RBFOX1: variants seen among roughly 807,000 people sequenced by gnomAD.
The protein encoded by RBFOX1 is RNA binding fox-1 homolog 1.
A neutral mutation model predicts 57.7 loss-of-function variants in RBFOX1; 8 were observed. The observed-to-expected ratio is 0.14, with a 90% CI of 0.08 to 0.25. RBFOX1 has a LOEUF of 0.25. Ranked by LOEUF, RBFOX1 falls within the 10% of genes least tolerant of loss-of-function variation. The pLI, the probability that RBFOX1 is intolerant of heterozygous loss-of-function variation, is 1.00. For missense variants in RBFOX1, 611 were observed against 548.5 expected (o/e 1.11, Z -1.14); for synonymous variants, 326 against 222.4 (o/e 1.47, Z -4.15).
intron 3 of RBFOX1, among the ~76,000 whole-genome samples, chr16:5,761,559 A>C (rs984567709): frequency 6.6e-6 from 1 of 152,184 alleles, no homozygotes; most frequent in Non-Finnish European, 1.5e-5. Context: ...GGCAGCAGGT[A>C]GGAGAGCTTG....
chr16:5,537,143 G>A (rs1028040026), intron 2 of RBFOX1, among the ~76,000 whole-genome samples: 1 of 152,128 alleles, frequency 6.6e-6, no homozygotes, highest in Non-Finnish European at 1.5e-5. Context: ...GGGCAGTTTA[G>A]GCTTTTCTAT....
intron 2 of RBFOX1, among the ~76,000 whole-genome samples, chr16:6,424,275 A>C (rs2093859352): frequency 6.6e-6 from 1 of 152,116 alleles, no homozygotes; most frequent in Non-Finnish European, 1.5e-5. Flanking sequence ...AAACAACAAC[A>C]ACAACAGAAG....
chr16:6,381,148 A>T (rs552511099), intron 2 of RBFOX1, among the ~76,000 whole-genome samples: 1 of 152,166 alleles, frequency 6.6e-6, no homozygotes, highest in Non-Finnish European at 1.5e-5. Flanking sequence ...GAGAAGAAGG[A>T]ATAGATCCTA....
intron 1 of RBFOX1, among the ~76,000 whole-genome samples, chr16:5,455,568 T>G (rs764189170): frequency 5.3e-5 from 8 of 152,204 alleles, no homozygotes; most frequent in Non-Finnish European, 1.0e-4. Flanking sequence ...CCACATACAT[T>G]TTCAGTATGC....
intron 2 of RBFOX1, among the ~76,000 whole-genome samples, chr16:6,479,575 G>A (rs761196162): frequency 9.2e-5 from 14 of 151,666 alleles, no homozygotes; most frequent in African/African-American, 2.7e-4. Context: ...GTGATAGAAC[G>A]AGATGCTGTC....
intron 4 of RBFOX1, among the ~76,000 whole-genome samples, chr16:7,154,727 G>C (rs2076758623): frequency 8.7e-6 from 1 of 115,090 alleles, no homozygotes; most frequent in South Asian, 3.0e-4. Context: ...GTGTGTGTGT[G>C]TGTGTGAATA....
At chr16:7,269,099 C>T (rs1416117967) in intron 4 of RBFOX1, among the ~76,000 whole-genome samples, 1 of 146,006 alleles carries the variant, frequency 6.8e-6, no homozygotes, top group Non-Finnish European at 1.5e-5. Flanking sequence ...CATTAACCCT[C>T]ACAGCCCATA....
rs146782909 is a variant in RBFOX1, at chr16:6,848,115, G to C, written c.-16+193465G>C. 3.2e-3 allele frequency among the ~76,000 whole-genome samples: 494 copies of C among 152,128 alleles called. 5 individuals are homozygous for C. Among genetic ancestry groups the C allele is most frequent in the African/African-American group, 0.012 (478 of 41,514 alleles). On this transcript the variant is annotated intron_variant, in intron 3 of 15. Coordinates refer to ENST00000550418, the MANE Select transcript of RBFOX1 (RefSeq NM_018723.4). ...ACAAAGTGCTGGGATTTGCAGGTGT[G>C]AGTCATTGTGCCCGATCCAAGACTG...
chr16:5,550,756 A>G, intron 2 of RBFOX1, among the ~76,000 whole-genome samples: 1 of 152,214 alleles, frequency 6.6e-6, no homozygotes, highest in Non-Finnish European at 1.5e-5. Context: ...GAATACGGAC[A>G]TGAGAATAAA....
At chr16:7,078,182 CAGA>C (rs1256058744) in intron 4 of RBFOX1, among the ~76,000 whole-genome samples, 1 of 152,128 alleles carries the variant, frequency 6.6e-6, no homozygotes, top group African/African-American at 2.4e-5. Flanking sequence ...CGTTTTCCTG[CAGA>C]AGAAGGAGAA....
intron 14 of RBFOX1, among the ~76,000 whole-genome samples, chr16:7,705,373 C>G (rs933977411): frequency 6.6e-6 from 1 of 151,914 alleles, no homozygotes; most frequent in African/African-American, 2.4e-5. Context: ...GGTGTGGTGG[C>G]AGGTACCTGT....
intron 1 of RBFOX1, among the ~76,000 whole-genome samples, chr16:6,255,676 T>C (rs28377929): frequency 0.025 from 3,864 of 151,858 alleles, 109 homozygotes; most frequent in African/African-American, 0.07. Flanking sequence ...ATAAAGAAAA[T>C]ATGACATATA....
At position 7,616,329 on chromosome 16, in the gene RBFOX1, G is replaced by A. The variant is rs1253866849; in HGVS notation, c.676+8991G>A. On this transcript the variant is annotated intron_variant, in intron 10 of 15. Coordinates refer to ENST00000550418, the MANE Select transcript of RBFOX1 (RefSeq NM_018723.4). The stretch of plus-strand genomic sequence containing the variant: ...GATGTGCTTAATTTTTCCAGAAATG[G>A]CATGTGACAGCACAGGCATAGTGTT... Among the ~76,000 whole-genome samples, 5 of 152,202 alleles carry A rather than the reference G, an allele frequency of 3.3e-5. No homozygotes were observed. In the South Asian group the frequency reaches 1.0e-3, roughly 32 times the overall value.
rs116553891 is a variant in RBFOX1 at position 7,419,054 on chromosome 16, G to T, written c.28-99093G>T. Among the ~76,000 whole-genome samples the T allele has an allele frequency of 5.9e-5, 9 of 152,058 alleles. 1 individual carries two copies. Among genetic ancestry groups the T allele is most frequent in the African/African-American group, 2.2e-4 (9 of 41,452 alleles). ...GGAGTAGCTGGGACTACAGGTGTTC[G>T]TCACCACGCCCAGATAGTTTTTTTT... On this transcript the variant is annotated intron_variant, in intron 4 of 15. Transcript: ENST00000550418.
At chr16:6,604,311 G>C (rs1195798146) in intron 2 of RBFOX1, among the ~76,000 whole-genome samples, 1 of 151,892 alleles carries the variant, frequency 6.6e-6, no homozygotes, top group Non-Finnish European at 1.5e-5. Context: ...TGTTGATCTT[G>C]TTACACATGA....
At chr16:7,123,107 C>T (rs1166145863) in intron 4 of RBFOX1, among the ~76,000 whole-genome samples, 1 of 152,120 alleles carries the variant, frequency 6.6e-6, no homozygotes, top group Non-Finnish European at 1.5e-5. Context: ...TGGAACTCTT[C>T]TGCTTCCTAA....
chr16:5,854,571 C>A (rs370177444), intron 3 of RBFOX1, among the ~76,000 whole-genome samples: 7 of 134,240 alleles, frequency 5.2e-5, no homozygotes, highest in African/African-American at 1.5e-4. Flanking sequence ...CCCCCACACA[C>A]AAGCACACAT....
At chr16:7,207,233 C>T (rs546108624) in intron 4 of RBFOX1, among the ~76,000 whole-genome samples, 2 of 152,304 alleles carry the variant, frequency 1.3e-5, no homozygotes, top group Admixed American at 1.3e-4. Context: ...TATATGGCAT[C>T]ATTGGCCGGG....
Position 7,649,528 on chromosome 16 carries a change from G to A in RBFOX1, c.758-4287G>A, listed in dbSNP as rs970918179. 2.6e-5 allele frequency among the ~76,000 whole-genome samples: 4 copies of A among 152,010 alleles called. No homozygotes were observed. In the East Asian group the frequency reaches 5.8e-4, roughly 22 times the overall value. On this transcript the variant is annotated intron_variant, in intron 11 of 15. Transcript: ENST00000550418. The stretch of plus-strand genomic sequence containing the variant: ...ACTTACGATGGAGTCGCTGTGGTTC[G>A]AACACCTCTAATGGTTGTGTTGCTT...
Sources: allele counts gnomAD v4.1 joint callset (sites outside exome capture counted in the v4.1 genomes callset), GRCh38; gene constraint gnomAD v4.1.1; transcripts MANE v1.5; gene names NCBI Gene and HGNC (gene_info 2026-07-23, HGNC 2026-07-21).